Variants in CLASRP observed in about 807,000 individuals in gnomAD.
CLASRP encodes the protein CLK4-associating serine/arginine rich protein.
CLASRP carries 52 observed loss-of-function variants against 99.9 expected under a neutral mutation model. The ratio of observed to expected loss-of-function variants is 0.52; its 90% CI spans 0.42 to 0.66. The LOEUF (loss-of-function observed/expected upper bound fraction) is 0.66. Among genes scored for constraint, CLASRP ranks in the 30% least tolerant of loss-of-function variants. CLASRP has a pLI of 0.00. For missense variants in CLASRP, 848 were observed against 999.2 expected, an observed-to-expected ratio of 0.85 and a Z score of 2.04; for synonymous variants, 379 against 373.0, an observed-to-expected ratio of 1.02 and a Z score of -0.18.
chr19:45,039,119 G>C lies in CLASRP; in HGVS notation c.-30+11G>C, dbSNP rs1156729499. 1.3e-5 allele frequency: 2 copies of C among 152,330 alleles called. No individual in the cohort carries two copies. Among genetic ancestry groups the C allele is most frequent in the African/African-American group, 2.4e-5 (1 of 41,580 alleles). 9.4% of individuals were successfully genotyped at this position (152,330 alleles called of 1,614,324 possible). A position where few individuals can be genotyped will look rare whatever the true frequency, so the allele number is the denominator to read the frequency against. ...GGCGGCGACCAGCCGGTGAGTGCAG[G>C]CTGCGGCTCGACCTCCCGGTTTTCG... On this transcript the variant is annotated intron_variant, in intron 1 of 20. Coordinates refer to ENST00000221455, the MANE Select transcript of CLASRP (RefSeq NM_007056.3).
At chr19:45,070,614 T>C in intron 20 of CLASRP, 53 bp downstream of exon 20, 1 of 1,531,628 alleles carries the variant, frequency 6.5e-7, no homozygotes, top group Non-Finnish European at 9.1e-7. Context: ...TGTCCTTTGA[T>C]GGGAGGTCCT....
intron 2 of CLASRP, among the ~76,000 whole-genome samples, chr19:45,041,288 C>T (rs1971808836): frequency 1.3e-5 from 2 of 151,752 alleles, no homozygotes; most frequent in African/African-American, 4.8e-5. Context: ...TGAAACCTGA[C>T]CACTTCCCTC....
intron 19 of CLASRP, among the ~76,000 whole-genome samples, 165 bp downstream of exon 19, chr19:45,070,269 G>A (rs2035587807): frequency 1.3e-5 from 2 of 152,172 alleles, no homozygotes. Context: ...TCAGGAGTTC[G>A]AGACCAGCCT....
intron 7 of CLASRP, 132 bp downstream of exon 7, chr19:45,058,030 A>G: frequency 2.7e-6 from 3 of 1,125,582 alleles, no homozygotes; most frequent in Non-Finnish European, 3.8e-6. Flanking sequence ...AGGGCACACC[A>G]GCCTCCTGCT....
chr19:45,040,411 A>C, intron 2 of CLASRP, 100 bp downstream of exon 2: 1 of 756,772 alleles, frequency 1.3e-6, no homozygotes, highest in Middle Eastern at 2.3e-4. Context: ...TCAAGACAAG[A>C]GGCTCATTTC....
intron 10 of CLASRP, 73 bp from the exon 11 acceptor site, chr19:45,062,081 C>T (rs1411741290): frequency 1.4e-5 from 13 of 921,310 alleles, no homozygotes; most frequent in Non-Finnish European, 2.0e-5. Flanking sequence ...CTCAGGTTGG[C>T]GGGCTTATCC....
At position 45,067,234 on chromosome 19, in the gene CLASRP, C is replaced by A; in HGVS notation, c.1410-103C>A. ...GGAGAGGAGAGTCGAGCCTGTCACC[C>A]TGGGCCTTGCAGGAAGGAGGACTGT... On this transcript the variant is annotated intron_variant, in intron 13 of 20. Coordinates refer to ENST00000221455, the MANE Select transcript of CLASRP (RefSeq NM_007056.3). The surrounding 1 kb of genome is among the most constrained non-coding windows in gnomAD (Gnocchi z 4.9). 7.6e-7 allele frequency: 1 copy of A among 1,313,704 alleles called. No homozygotes were observed. Among genetic ancestry groups the A allele is most frequent in the Non-Finnish European group, 1.0e-6 (1 of 990,434 alleles). 81.4% of individuals were successfully genotyped at this position (1,313,704 alleles called of 1,614,324 possible). A position where few individuals can be genotyped will look rare whatever the true frequency, so the allele number is the denominator to read the frequency against.
chr19:45,069,864 C>G (rs1046577882), intron 18 of CLASRP, 158 bp from the exon 19 acceptor site: 5 of 593,252 alleles, frequency 8.4e-6, no homozygotes, highest in Middle Eastern at 4.4e-4. Context: ...GCTGGGGTCC[C>G]TCTGAACCTG....
chr19:45,057,537 G>C (rs1157320941), intron 6 of CLASRP, among the ~76,000 whole-genome samples: 1 of 152,184 alleles, frequency 6.6e-6, no homozygotes, highest in East Asian at 1.9e-4. Context: ...ACCCACCCTA[G>C]GGTACCAGTC....
At chr19:45,053,804 G>A (rs1215043441) in intron 5 of CLASRP, among the ~76,000 whole-genome samples, 2 of 152,048 alleles carry the variant, frequency 1.3e-5, no homozygotes, top group Admixed American at 1.3e-4. Context: ...AAAGCATTTA[G>A]AAAGATGGGG....
chr19:45,042,884 T>C (rs1398820377), intron 2 of CLASRP, among the ~76,000 whole-genome samples: 3 of 152,186 alleles, frequency 2.0e-5, no homozygotes, highest in Non-Finnish European at 4.4e-5. Flanking sequence ...CCCAAAGTGC[T>C]GGGATTACAG....
In CLASRP at chr19:45,064,348, G is replaced by GCTCCTCCTC. The variant is rs756241064; in HGVS notation, c.1143_1151dup (p.Ser383_Ser385dup). 25 of 1,525,906 alleles carry GCTCCTCCTC rather than the reference G, an allele frequency of 1.6e-5. No individual in the cohort carries two copies. The highest frequency in any genetic ancestry group is 6.1e-5 in the South Asian group (5 of 82,626). The allele number at this position is 1,525,906 out of a possible 1,614,324, so 94.5% of individuals were successfully genotyped here. ...CCTCCGTGCCCCGCCTGCAGCCGCC[G>GCTCCTCCTC]CTCCTCCTCCTCCTCCTCCTCCTCT... is the stretch of plus-strand genomic sequence containing the variant. On this transcript the variant is annotated inframe_insertion, in exon 13 of 21. Transcript: ENST00000221455.
chr19:45,043,648 C>A lies in CLASRP; in HGVS notation c.99+3337C>A, dbSNP rs1354496353. Among the ~76,000 whole-genome samples the A allele has an allele frequency of 2.0e-5, 3 of 152,032 alleles. No individual in the cohort carries two copies. The East Asian group carries it at 5.8e-4, about 29-fold the overall frequency. On this transcript the variant is annotated intron_variant, in intron 2 of 20. Transcript: ENST00000221455. The stretch of plus-strand genomic sequence containing the variant: ...GAGAGATGCAGGATTTTTTTTGAAT[C>A]CCCACAGTCACCTGTGAGACAGAGA...
chr19:45,063,162 C>T lies in CLASRP; in HGVS notation c.906-850C>T, dbSNP rs185842364. ...TTTTAAAATTTTATATATTAAAAAA[C>T]ACGTTTGTTTTTTTTTTCTTTAAAA... On this transcript the variant is annotated intron_variant, in intron 11 of 20. Transcript: ENST00000221455. Among the ~76,000 whole-genome samples, 1,444 of 151,806 alleles carry T rather than the reference C, an allele frequency of 9.5e-3. 29 individuals are homozygous for T. The highest frequency in any genetic ancestry group is 0.033 in the African/African-American group (1,370 of 41,438).
chr19:45,056,425 A>C (rs767806559), intron 5 of CLASRP, 25 bp from the exon 6 acceptor site: 8 of 1,608,934 alleles, frequency 5.0e-6, no homozygotes, highest in Non-Finnish European at 6.8e-6. Context: ...ACCCACTCTG[A>C]CCTGGGGTCT....
In CLASRP at chr19:45,067,624, C is replaced by A; in HGVS notation, c.1667+30C>A. ...GCGGGGCGGGTCTGGAGGAAGAGGG[C>A]TGCCAATCTCGGGTGGGGAGGGTGA... On this transcript the variant is annotated intron_variant, in intron 14 of 20. Transcript: ENST00000221455. The surrounding 1 kb of genome is among the most constrained non-coding windows in gnomAD (Gnocchi z 4.9). 1.3e-6 allele frequency: 2 copies of A among 1,556,068 alleles called. No individual in the cohort carries two copies. Among genetic ancestry groups the A allele is most frequent in the Middle Eastern group, 1.7e-4 (1 of 5,856 alleles).
intron 2 of CLASRP, among the ~76,000 whole-genome samples, chr19:45,041,466 C>G (rs1971812917): frequency 6.6e-6 from 1 of 152,110 alleles, no homozygotes; most frequent in South Asian, 2.1e-4. Context: ...CTATTTAACT[C>G]CTGTGTATCC....
At chr19:45,063,505 G>A (rs568803093) in intron 11 of CLASRP, among the ~76,000 whole-genome samples, 3 of 135,948 alleles carry the variant, frequency 2.2e-5, no homozygotes, top group Admixed American at 8.2e-5. Flanking sequence ...GTGTGCAGTG[G>A]CGTGACCTGG....
At position 45,064,199 on chromosome 19, in the gene CLASRP, C is replaced by T; in HGVS notation, c.1093C>T (p.Pro365Ser). The change falls in exon 12 of 21, where the codon CCC (proline) becomes TCC (serine). Residue 365 changes from proline to serine, a missense_variant. Pro to Ser is a moderately conservative substitution (Grantham distance 74). Around this residue, in one of 8 missense-constraint regions of CLASRP, gnomAD observed 489 missense variants for 434.7 expected, o/e 1.12. Transcript: ENST00000221455. ...CCCCGCACCTCCCCAGCCTGGCGGC[C>T]CCGCCCCGGGACGTAATGCCAGCGC... The part of the protein sequence containing the change: ...KPPAPPQPGG[P>S]APGRNASARR... 3 of 1,602,660 alleles carry T rather than the reference C, an allele frequency of 1.9e-6. No individual in the cohort carries two copies. The highest frequency in any genetic ancestry group is 2.3e-5 in the East Asian group (1 of 44,424).
Sources: allele counts gnomAD v4.1 joint callset (sites outside exome capture counted in the v4.1 genomes callset), GRCh38; gene constraint gnomAD v4.1.1; regional missense constraint gnomAD v4.1.1; non-coding constraint Gnocchi (gnomAD v3.1); transcripts MANE v1.5; gene names NCBI Gene and HGNC (gene_info 2026-07-23, HGNC 2026-07-21).